OLFM3: variants seen among roughly 807,000 people sequenced by gnomAD.
The protein encoded by OLFM3 is olfactomedin 3, also known as noelin-3.
A neutral mutation model predicts 48.6 loss-of-function variants in OLFM3; 20 were observed. That is an observed-to-expected ratio of 0.41 (90% confidence interval 0.29 to 0.60). OLFM3 has a LOEUF of 0.60. Among genes scored for constraint, OLFM3 ranks in the 20% least tolerant of loss-of-function variants. OLFM3 has a pLI of 0.28. For synonymous variants in OLFM3, 222 were observed against 198.1 expected (o/e 1.12, Z -1.01); for missense variants, 437 against 544.3 (o/e 0.80, Z 1.96).
Position 101,923,046 on chromosome 1 carries a change from C to T in OLFM3, c.69+73702G>A, listed in dbSNP as rs963658481. Among the ~76,000 whole-genome samples the T allele has an allele frequency of 6.6e-5, 10 of 152,310 alleles. No individual in the cohort carries two copies. The South Asian group carries it at 2.1e-3, about 32-fold the overall frequency. Reference sequence around the variant, plus strand: ...CAAAGTCATAGCATCTGAGTGTTATCCAGGCAGTCTGACTACAGGGCCCTA... The same window carrying T: ...CAAAGTCATAGCATCTGAGTGTTATTCAGGCAGTCTGACTACAGGGCCCTA... On this transcript the variant is annotated intron_variant, in intron 1 of 5. Transcript: ENST00000370103.
chr1:101,835,442 G>C (rs1374514228), intron 2 of OLFM3, among the ~76,000 whole-genome samples: 1 of 152,180 alleles, frequency 6.6e-6, no homozygotes, highest in African/African-American at 2.4e-5. Context: ...AGCCTCCTGA[G>C]TAGCTGGTAT....
At chr1:101,886,344 G>T (rs537472316) in intron 1 of OLFM3, among the ~76,000 whole-genome samples, 1 of 152,168 alleles carries the variant, frequency 6.6e-6, no homozygotes, top group Non-Finnish European at 1.5e-5. Flanking sequence ...TTGTAGAAGT[G>T]CAGCACAACT....
At chr1:101,921,109 TTAA>T (rs1659079623) in intron 1 of OLFM3, among the ~76,000 whole-genome samples, 1 of 151,898 alleles carries the variant, frequency 6.6e-6, no homozygotes, top group South Asian at 2.1e-4. Flanking sequence ...AATGTAATAG[TTAA>T]TAATAATTAC....
At chr1:101,935,853 T>C (rs1019819656) in intron 1 of OLFM3, among the ~76,000 whole-genome samples, 1 of 152,086 alleles carries the variant, frequency 6.6e-6, no homozygotes, top group Non-Finnish European at 1.5e-5. Context: ...ATCTCATAAA[T>C]AGAATTTAAA....
chr1:101,804,768 A>G lies in OLFM3; in HGVS notation c.847T>C (p.Tyr283His). The G allele has an allele frequency of 6.2e-7, 1 of 1,612,776 alleles. No homozygotes were observed. The highest frequency in any genetic ancestry group is 8.5e-7 in the Non-Finnish European group (1 of 1,179,190). Residue 283 changes from tyrosine (Y) to histidine (H), a missense_variant, in exon 6 of 6, where the codon TAT (tyrosine) becomes CAT (histidine). Physicochemically the swap from Tyr to His is moderately conservative, Grantham distance 83 (BLOSUM62 2). Coordinates refer to ENST00000370103, the MANE Select transcript of OLFM3 (RefSeq NM_058170.4). The surrounding 1 kb of genome is among the most constrained non-coding windows in gnomAD (Gnocchi z 4.5). ...ATATTACTCTGATACTTGTTAAAATAGAGTGAGCCATTGTAGACAACATGG... is the reference window on the plus strand; with the variant it reads ...ATATTACTCTGATACTTGTTAAAATGGAGTGAGCCATTGTAGACAACATGG... ...TNHVVYNGSLYFNKYQSNIII... is the reference protein window; with the variant it reads ...TNHVVYNGSLHFNKYQSNIII...
intron 1 of OLFM3, among the ~76,000 whole-genome samples, chr1:101,933,203 A>G: frequency 3.4e-5 from 2 of 58,774 alleles, no homozygotes; most frequent in East Asian, 6.3e-4. Context: ...CTCCATCTCA[A>G]AAAAAAAAAA....
At chr1:101,889,386 G>A (rs1035811032) in intron 1 of OLFM3, among the ~76,000 whole-genome samples, 1 of 152,146 alleles carries the variant, frequency 6.6e-6, no homozygotes, top group African/African-American at 2.4e-5. Flanking sequence ...ATCATTCTGA[G>A]CAAACTATTG....
intron 1 of OLFM3, among the ~76,000 whole-genome samples, chr1:101,927,342 A>G (rs1048361355): frequency 4.6e-5 from 7 of 152,128 alleles, no homozygotes; most frequent in African/African-American, 1.7e-4. Context: ...ATTTTTTATC[A>G]TTCTTAAAAA....
intron 1 of OLFM3, among the ~76,000 whole-genome samples, chr1:101,994,867 T>C (rs889477900): frequency 6.6e-6 from 1 of 152,050 alleles, no homozygotes; most frequent in Non-Finnish European, 1.5e-5. Flanking sequence ...ATTTTTCAGC[T>C]CATTTGTAGC....
At chr1:101,862,261 G>T (rs1656690307) in intron 1 of OLFM3, among the ~76,000 whole-genome samples, 1 of 152,158 alleles carries the variant, frequency 6.6e-6, no homozygotes, top group African/African-American at 2.4e-5. Flanking sequence ...CATTTTTACT[G>T]ATCTGATTTC....
intron 1 of OLFM3, among the ~76,000 whole-genome samples, chr1:101,842,190 C>T (rs1215753061): frequency 6.6e-6 from 1 of 152,062 alleles, no homozygotes; most frequent in Non-Finnish European, 1.5e-5. Context: ...GAAAAAACAA[C>T]TATAAAAGCA....
At chr1:101,956,568 T>C (rs1417976760) in intron 1 of OLFM3, among the ~76,000 whole-genome samples, 1 of 151,956 alleles carries the variant, frequency 6.6e-6, no homozygotes, top group Non-Finnish European at 1.5e-5. Flanking sequence ...AGTTCTACCT[T>C]CAATGGGCTA....
chr1:101,944,159 CTATGT>C (rs1376323830), intron 1 of OLFM3, among the ~76,000 whole-genome samples: 1 of 151,580 alleles, frequency 6.6e-6, no homozygotes, highest in Non-Finnish European at 1.5e-5. Flanking sequence ...GTGCCTACTT[CTATGT>C]TATATTTTAT....
intron 1 of OLFM3, among the ~76,000 whole-genome samples, chr1:101,994,312 G>C (rs1661497331): frequency 6.6e-6 from 1 of 150,756 alleles, no homozygotes; most frequent in African/African-American, 2.4e-5. Context: ...ATGCAAAAAG[G>C]CAGTTGGTTA....
At chr1:101,897,239 A>G (rs980724921) in intron 1 of OLFM3, among the ~76,000 whole-genome samples, 2 of 152,200 alleles carry the variant, frequency 1.3e-5, no homozygotes, top group Admixed American at 6.5e-5. Context: ...TACTATCTCT[A>G]TGCTAAAAAT....
At chr1:101,878,455 G>A (rs1456183954) in intron 1 of OLFM3, among the ~76,000 whole-genome samples, 1 of 151,914 alleles carries the variant, frequency 6.6e-6, no homozygotes, top group Non-Finnish European at 1.5e-5. Flanking sequence ...ACATCAGAGG[G>A]AAGGTGACTT....
intron 1 of OLFM3, among the ~76,000 whole-genome samples, chr1:101,875,836 A>G (rs930851298): frequency 6.6e-6 from 1 of 152,028 alleles, no homozygotes; most frequent in East Asian, 1.9e-4. Flanking sequence ...TAAAACAGCT[A>G]CAAGGAAAGA....
intron 2 of OLFM3, among the ~76,000 whole-genome samples, chr1:101,832,065 G>C (rs1655181061): frequency 6.6e-6 from 1 of 152,036 alleles, no homozygotes; most frequent in Non-Finnish European, 1.5e-5. Context: ...ACTACGCCTG[G>C]CTAATTTTCG....
At chr1:101,837,200 G>A (rs981175012) in intron 1 of OLFM3, among the ~76,000 whole-genome samples, 175 bp from the exon 2 acceptor site, 3 of 152,170 alleles carry the variant, frequency 2.0e-5, no homozygotes, top group African/African-American at 7.2e-5. Context: ...GCTTCATTCA[G>A]TATACCCTCC....
Sources: allele counts gnomAD v4.1 joint callset (sites outside exome capture counted in the v4.1 genomes callset), GRCh38; gene constraint gnomAD v4.1.1; non-coding constraint Gnocchi (gnomAD v3.1); transcripts MANE v1.5; gene names NCBI Gene and HGNC (gene_info 2026-07-23, HGNC 2026-07-21).